C5: variants seen among roughly 807,000 people sequenced by gnomAD.
C5 encodes C3 and PZP-like alpha-2-macroglobulin domain-containing protein 4.
A neutral mutation model predicts 218.8 loss-of-function variants in C5; 140 were observed. The observed-to-expected ratio is 0.64, with a 90% confidence interval of 0.56 to 0.74. The LOEUF (loss-of-function observed/expected upper bound fraction) is 0.74, where lower values mean the gene tolerates loss of function less well. C5 is among the 30% of genes least tolerant of loss of function. The pLI, the probability that C5 is intolerant of heterozygous loss-of-function variation, is 0.00. For synonymous variants in C5, 614 were observed against 682.3 expected (o/e 0.90, Z 1.56); for missense variants, 1,700 against 1,969.6 (o/e 0.86, Z 2.59).
intron 29 of C5, 145 bp from the exon 30 acceptor site, chr9:120,975,076 T>C: frequency 2.3e-6 from 2 of 851,682 alleles, no homozygotes; most frequent in Non-Finnish European, 3.9e-6. Context: ...AAGAGCCCCA[T>C]TGTGGAGGTG....
the C5 span, among the ~76,000 whole-genome samples, chr9:121,070,294 T>C: frequency 6.8e-6 from 1 of 147,442 alleles, no homozygotes. Context: ...GAGGCAGAGG[T>C]TGCGGTGAGC....
At chr9:121,070,545 TA>T in the C5 span, among the ~76,000 whole-genome samples, 2 of 150,838 alleles carry the variant, frequency 1.3e-5, no homozygotes, top group South Asian at 4.2e-4. Flanking sequence ...TATTCAGCCA[TA>T]AAAAAGAATG....
chr9:120,984,742 G>A (rs10985114), intron 25 of C5, among the ~76,000 whole-genome samples: 2 of 94,238 alleles, frequency 2.1e-5, no homozygotes, highest in African/African-American at 4.4e-5. Context: ...TTTTTTTTCA[G>A]ACGGACTCTC....
chr9:121,054,476 T>C (rs1244630208), upstream of C5, among the ~76,000 whole-genome samples: 1 of 152,162 alleles, frequency 6.6e-6, no homozygotes, highest in Non-Finnish European at 1.5e-5. Flanking sequence ...GACAGGTGCC[T>C]GTAATCCCAG....
At chr9:121,033,035 TG>T (rs1564160847) in intron 5 of C5, among the ~76,000 whole-genome samples, 1 of 151,602 alleles carries the variant, frequency 6.6e-6, no homozygotes. Flanking sequence ...TGTGTGTGTG[TG>T]TGTATGTATG....
At chr9:121,005,079 A>G (rs1454392904) in intron 20 of C5, among the ~76,000 whole-genome samples, 6 of 152,220 alleles carry the variant, frequency 3.9e-5, no homozygotes, top group Non-Finnish European at 8.8e-5. Context: ...ATCTCTAAGA[A>G]TAAAGTTAGT....
At chr9:121,064,528 T>G in the C5 span, among the ~76,000 whole-genome samples, 1 of 152,236 alleles carries the variant, frequency 6.6e-6, no homozygotes, top group Non-Finnish European at 1.5e-5. Context: ...ATCTGATATT[T>G]TGAATGTCAT....
chr9:120,985,157 G>A (rs569669904), intron 25 of C5, among the ~76,000 whole-genome samples: 3 of 152,100 alleles, frequency 2.0e-5, no homozygotes, highest in African/African-American at 4.8e-5. Context: ...AGCTTTTTGC[G>A]TTCTCCTCTT....
intron 25 of C5, among the ~76,000 whole-genome samples, chr9:120,983,071 T>A (rs1261078043): frequency 6.6e-6 from 1 of 152,176 alleles, no homozygotes; most frequent in African/African-American, 2.4e-5. Context: ...TTCCTGATGA[T>A]AAGAATTACA....
Position 120,962,980 on chromosome 9 carries a change from A to C in C5, c.4324-13T>G. The stretch of plus-strand genomic sequence containing the variant: ...CCCCTTCCACAAGCTAAGGGGGAAA[A>C]GAGAGAAGCTTGAATTTCATTTCAT... On this transcript the variant is annotated splice_polypyrimidine_tract_variant and intron_variant, in intron 34 of 40. Coordinates refer to ENST00000223642, the MANE Select transcript of C5 (RefSeq NM_001735.3). 6.3e-7 allele frequency: 1 copy of C among 1,599,578 alleles called. No individual in the cohort carries two copies. Among genetic ancestry groups the C allele is most frequent in the Non-Finnish European group, 8.6e-7 (1 of 1,166,784 alleles).
Position 120,981,851 on chromosome 9 carries a change from G to C in C5, c.3479C>G (p.Pro1160Arg). ...AAGAAAACTCTTACTTACCACCAGG[G>C]GGCATATATCGAAAGCCTTTCTAAT... is the stretch of plus-strand genomic sequence containing the variant. ...IGIRKAFDIC[P>R]LVKIDTALIK... Residue 1160 changes from proline (P) to arginine (R), a missense_variant, in exon 27 of 41, where the codon CCC (proline) becomes CGC (arginine). Transcript: ENST00000223642. 1.2e-6 allele frequency: 2 copies of C among 1,609,048 alleles called. No homozygotes were observed. Among genetic ancestry groups the C allele is most frequent in the Non-Finnish European group, 1.7e-6 (2 of 1,175,438 alleles).
In C5 at chr9:121,030,409, G is replaced by A; in HGVS notation, c.746C>T (p.Thr249Ile). The part of the protein sequence containing the change: ...GYKNFKNFEI[T>I]IKARYFYNKV... ...CAAATGTTCTTACCTTGCTTTTATA[G>A]TAATTTCAAAATTCTTAAAGTTCTT... The change falls in exon 7 of 41, where the codon ACT becomes ATT. Residue 249 changes from threonine to isoleucine, a missense_variant. By Grantham distance (89) the Thr-to-Ile change is moderately conservative. Transcript: ENST00000223642. The A allele has an allele frequency of 6.8e-7, 1 of 1,479,788 alleles. No homozygotes were observed. The highest frequency in any genetic ancestry group is 9.2e-7 in the Non-Finnish European group (1 of 1,088,492). The allele number at this position is 1,479,788 out of a possible 1,614,324, so 91.7% of individuals were successfully genotyped here.
At chr9:121,023,167 T>C (rs2047381473) in intron 10 of C5, among the ~76,000 whole-genome samples, 1 of 152,238 alleles carries the variant, frequency 6.6e-6, no homozygotes, top group African/African-American at 2.4e-5. Context: ...TTAATGCTTA[T>C]TTAGGGATGC....
At chr9:120,978,761 A>G (rs1328145260) in intron 28 of C5, among the ~76,000 whole-genome samples, 1 of 152,262 alleles carries the variant, frequency 6.6e-6, no homozygotes, top group East Asian at 1.9e-4. Context: ...TCAAAACCAA[A>G]CACATACTTT....
chr9:121,061,387 A>G, the C5 span, among the ~76,000 whole-genome samples: 2 of 152,154 alleles, frequency 1.3e-5, no homozygotes, highest in Admixed American at 1.3e-4. Context: ...CATCCCTACA[A>G]AAAATACAAA....
At chr9:120,970,654 T>C (rs1214061862) in intron 31 of C5, among the ~76,000 whole-genome samples, 1 of 152,144 alleles carries the variant, frequency 6.6e-6, no homozygotes, top group Non-Finnish European at 1.5e-5. Flanking sequence ...ATTATAGGTG[T>C]GTATGAATGG....
At chr9:120,998,386 C>T (rs1034776385) in intron 20 of C5, among the ~76,000 whole-genome samples, 1 of 152,172 alleles carries the variant, frequency 6.6e-6, no homozygotes, top group African/African-American at 2.4e-5. Context: ...ACTTATTACC[C>T]TGTCTCTTTA....
intron 38 of C5, 119 bp downstream of exon 38, chr9:120,960,129 G>C (rs2046815934): frequency 1.4e-6 from 1 of 696,466 alleles, no homozygotes; most frequent in Non-Finnish European, 2.6e-6. Context: ...TTTCCTTCAG[G>C]GGATCACATG....
At chr9:120,970,111 T>TATTTATACACA in intron 32 of C5, 59 bp downstream of exon 32, 1 of 1,163,140 alleles carries the variant, frequency 8.6e-7, no homozygotes, top group Non-Finnish European at 1.3e-6. Context: ...AGAAGCTCTC[T>TATTTATACACA]ATTTATACAC....
Sources: gnomAD v4.1 joint callset for allele counts (sites outside exome capture counted in the v4.1 genomes callset) on GRCh38, gnomAD v4.1.1 for gene constraint, MANE v1.5 for transcripts, NCBI Gene and HGNC (gene_info 2026-07-23, HGNC 2026-07-21) for gene names.